SAMD3: variants seen among roughly 807,000 people sequenced by gnomAD.
SAMD3 encodes sterile alpha motif domain containing 3.
SAMD3 carries 63 observed loss-of-function variants against 58.5 expected under a neutral mutation model. The ratio of observed to expected loss-of-function variants is 1.08; its 90% CI spans 0.88 to 1.33. The LOEUF (loss-of-function observed/expected upper bound fraction) is 1.33. Ranked by LOEUF, SAMD3 falls within the 40% of genes most tolerant of loss-of-function variation. The pLI, the probability that SAMD3 is intolerant of heterozygous loss-of-function variation, is 0.00. For missense variants in SAMD3, 604 were observed against 608.4 expected (o/e 0.99, Z 0.08); for synonymous variants, 220 against 210.3 (o/e 1.05, Z -0.40).
At chr6:130,346,638 A>T (rs1037007894) in intron 1 of SAMD3, among the ~76,000 whole-genome samples, 1 of 152,112 alleles carries the variant, frequency 6.6e-6, no homozygotes, top group East Asian at 1.9e-4. Context: ...GCCTCTGTAG[A>T]CTCCACCTCT....
intron 2 of SAMD3, among the ~76,000 whole-genome samples, chr6:130,304,696 G>GA (rs558764842): frequency 5.3e-5 from 8 of 151,684 alleles, no homozygotes; most frequent in African/African-American, 7.2e-5. Context: ...TAAGTTCCAT[G>GA]AAAAAAAATT....
At chr6:130,161,245 T>C (rs574324000) in intron 8 of SAMD3, 1 of 152,312 alleles carries the variant, frequency 6.6e-6, no homozygotes, top group South Asian at 2.1e-4. Context: ...ACGTATGTAG[T>C]TTTTCTTCTG....
At chr6:130,252,088 G>A (rs1773757981) in intron 2 of SAMD3, among the ~76,000 whole-genome samples, 1 of 151,816 alleles carries the variant, frequency 6.6e-6, no homozygotes, top group South Asian at 2.1e-4. Context: ...GTTGTTTCAT[G>A]CATATATATT....
chr6:130,213,200 A>T (rs1460617761), intron 4 of SAMD3, among the ~76,000 whole-genome samples: 2 of 152,130 alleles, frequency 1.3e-5, no homozygotes, highest in Non-Finnish European at 2.9e-5. Flanking sequence ...TGGGAGGCGG[A>T]AGCAGGAGGA....
At chr6:130,265,398 A>T (rs1045847413) in intron 2 of SAMD3, among the ~76,000 whole-genome samples, 1 of 152,192 alleles carries the variant, frequency 6.6e-6, no homozygotes, top group Non-Finnish European at 1.5e-5. Context: ...TGACTGGTCC[A>T]TGCACGGCCG....
chr6:130,167,907 C>A (rs1053054926), intron 8 of SAMD3, among the ~76,000 whole-genome samples: 1 of 152,310 alleles, frequency 6.6e-6, no homozygotes, highest in Non-Finnish European at 1.5e-5. Flanking sequence ...GATGATACGT[C>A]TTGCTAGCAG....
At chr6:130,226,967 ATAATG>A (rs1407296588), upstream of SAMD3, among the ~76,000 whole-genome samples, 2 of 152,264 alleles carry the variant, frequency 1.3e-5, no homozygotes, top group Non-Finnish European at 2.9e-5. Flanking sequence ...AAAAATATAC[ATAATG>A]TAAAGTTTAC....
At chr6:130,292,612 G>A (rs1047873404) in intron 2 of SAMD3, among the ~76,000 whole-genome samples, 1 of 132,308 alleles carries the variant, frequency 7.6e-6, no homozygotes, top group Non-Finnish European at 1.6e-5. Context: ...TTGTTTGTTT[G>A]TTTGTTTTGT....
intron 8 of SAMD3, among the ~76,000 whole-genome samples, chr6:130,157,285 A>C (rs566145885): frequency 1.3e-5 from 2 of 152,108 alleles, no homozygotes; most frequent in South Asian, 2.1e-4. Flanking sequence ...AACTTTTGTC[A>C]AAATAAGAGA....
chr6:130,280,423 T>C (rs957363502), intron 2 of SAMD3, among the ~76,000 whole-genome samples: 14 of 152,198 alleles, frequency 9.2e-5, no homozygotes, highest in Admixed American at 2.6e-4. Flanking sequence ...TGCAGAAGGT[T>C]CATTTTTTGG....
chr6:130,150,691 C>G (rs1388243872), intron 9 of SAMD3, among the ~76,000 whole-genome samples: 1 of 150,560 alleles, frequency 6.6e-6, no homozygotes, highest in African/African-American at 2.4e-5. Context: ...TCTGCAGGGT[C>G]TCTACACACT....
chr6:130,153,681 T>TATA (rs1190209489), intron 9 of SAMD3, among the ~76,000 whole-genome samples: 3 of 146,066 alleles, frequency 2.1e-5, no homozygotes, highest in Non-Finnish European at 3.0e-5. Context: ...TATTTATTTA[T>TATA]TTTTTAAAAT....
chr6:130,216,670 A>G (rs1200723699), intron 1 of SAMD3, 54 bp from the exon 2 acceptor site: 1 of 152,250 alleles, frequency 6.6e-6, no homozygotes, highest in Non-Finnish European at 1.5e-5. Context: ...AAGTGTTCAC[A>G]AACACCAACT....
At chr6:130,210,055 C>T (rs951227007) in intron 4 of SAMD3, among the ~76,000 whole-genome samples, 1 of 152,146 alleles carries the variant, frequency 6.6e-6, no homozygotes, top group African/African-American at 2.4e-5. Flanking sequence ...TGCTAGCTCC[C>T]TTATTTTCCA....
intron 2 of SAMD3, among the ~76,000 whole-genome samples, chr6:130,305,377 T>C (rs1027662323): frequency 6.6e-6 from 1 of 152,196 alleles, no homozygotes; most frequent in Admixed American, 6.6e-5. Context: ...TAGTATTTGT[T>C]CTCAATTTTA....
chr6:130,292,263 C>CTTTTTTTTTTTTTTTTTTT (rs1412339110), intron 2 of SAMD3, among the ~76,000 whole-genome samples: 1 of 125,824 alleles, frequency 7.9e-6, no homozygotes. Flanking sequence ...CTTTTTTTTT[C>CTTTTTTTTTTTTTTTTTTT]TTTCTTTCTT....
At chr6:130,175,322 G>A (rs1475787) in intron 8 of SAMD3, among the ~76,000 whole-genome samples, 14,424 of 152,086 alleles carry the variant, frequency 0.095, 1,096 homozygotes, top group African/African-American at 0.21. Flanking sequence ...GCCCTCCCAC[G>A]GGCCCTCAGC....
chr6:130,179,406 G>A (rs1034186306), intron 7 of SAMD3, among the ~76,000 whole-genome samples: 9 of 151,948 alleles, frequency 5.9e-5, no homozygotes, highest in African/African-American at 1.7e-4. Context: ...ACAGCTCTCC[G>A]TCAACCACTC....
At chr6:130,247,669 G>GAAC (rs146114316) in intron 2 of SAMD3, among the ~76,000 whole-genome samples, 2,849 of 152,158 alleles carry the variant, frequency 0.019, 85 homozygotes, top group African/African-American at 0.065. Context: ...GTGCATAAGA[G>GAAC]AACAAAGCCA....
Sources: gnomAD v4.1 joint callset for allele counts (sites outside exome capture counted in the v4.1 genomes callset) on GRCh38, gnomAD v4.1.1 for gene constraint, MANE v1.5 for transcripts, NCBI Gene and HGNC (gene_info 2026-07-23, HGNC 2026-07-21) for gene names.